CA12: variants seen among roughly 807,000 people sequenced by gnomAD.
CA12 encodes carbonic anhydrase 12.
A neutral mutation model predicts 46.8 loss-of-function variants in CA12; 36 were observed. That is an observed-to-expected ratio of 0.77 (90% CI 0.59 to 1.02). The LOEUF is 1.02. CA12 is among the 50% of genes least tolerant of loss of function. The probability of loss-of-function intolerance (pLI) is 0.00; values close to 1 mark genes in which losing one functional copy is unlikely to be tolerated. For missense variants in CA12, 436 were observed against 451.4 expected (o/e 0.97, Z 0.31); for synonymous variants, 202 against 187.0 (o/e 1.08, Z -0.65).
chr15:63,367,654 G>A (rs1040914005), intron 2 of CA12, among the ~76,000 whole-genome samples: 2 of 152,160 alleles, frequency 1.3e-5, no homozygotes, highest in South Asian at 2.1e-4. Flanking sequence ...ACCTAGTCAC[G>A]AGTTAATAAT....
At chr15:63,334,173 G>C (rs1235757853) in intron 8 of CA12, among the ~76,000 whole-genome samples, 1 of 148,460 alleles carries the variant, frequency 6.7e-6, no homozygotes, top group African/African-American at 2.5e-5. Flanking sequence ...CCTCCCAGGG[G>C]CCCACCTTGA....
chr15:63,376,586 C>CTTTT (rs1389140075), intron 1 of CA12, among the ~76,000 whole-genome samples: 1 of 120,354 alleles, frequency 8.3e-6, no homozygotes, highest in Admixed American at 1.0e-4. Flanking sequence ...TTCTTTCTTT[C>CTTTT]TTTCTTTCTT....
At position 63,373,566 on chromosome 15, in the gene CA12, T is replaced by C. The variant is rs7162561; in HGVS notation, c.106+2092A>G. Among the ~76,000 whole-genome samples, 40,567 of 152,000 alleles carry C rather than the reference T, an allele frequency of 0.27. 6,277 individuals carry two copies. Among genetic ancestry groups the C allele is most frequent in the East Asian group, 0.56 (2,898 of 5,170 alleles). On this transcript the variant is annotated intron_variant, in intron 2 of 10. Transcript: ENST00000178638. The surrounding 1 kb of genome is among the most constrained non-coding windows in gnomAD (Gnocchi z 4.9). Reference sequence around the variant, plus strand: ...CTGGATAGACAGGTCTTGGGAACCATGGGTCAGTGATTCTCTGATAGAGTG... The same window carrying C: ...CTGGATAGACAGGTCTTGGGAACCACGGGTCAGTGATTCTCTGATAGAGTG...
chr15:63,375,879 G>A (rs1368249893), intron 1 of CA12, among the ~76,000 whole-genome samples: 1 of 150,734 alleles, frequency 6.6e-6, no homozygotes, highest in African/African-American at 2.4e-5. Flanking sequence ...GCGCGATCTC[G>A]GCTCACTGCA....
intron 2 of CA12, 129 bp downstream of exon 2, chr15:63,375,529 A>G (rs2039558974): frequency 3.0e-6 from 2 of 669,912 alleles, no homozygotes; most frequent in Non-Finnish European, 2.7e-6. Flanking sequence ...CTCTCTTTCT[A>G]CAATACAAGA....
intron 2 of CA12, among the ~76,000 whole-genome samples, chr15:63,354,061 C>T (rs1202410896): frequency 2.6e-5 from 4 of 152,090 alleles, no homozygotes; most frequent in Non-Finnish European, 4.4e-5. Flanking sequence ...GCTGGGTAGG[C>T]GGAGAGGCAC....
rs563502044 is a variant in CA12, at chr15:63,348,831, T to A, written c.107-2122A>T. On this transcript the variant is annotated intron_variant, in intron 2 of 10. Transcript: ENST00000178638. This position sits in a 1 kb window ranked among gnomAD's most constrained non-coding sequence, Gnocchi z 4.6. ...TTATAAGTAGGGTCACGTGCCCCCA[T>A]GGGCATTTAGGAAACATTTTCCCAA... 4.0e-4 allele frequency among the ~76,000 whole-genome samples: 61 copies of A among 152,268 alleles called. No individual in the cohort carries two copies. Among genetic ancestry groups the A allele is most frequent in the Non-Finnish European group, 7.1e-4 (48 of 68,022 alleles).
At chr15:63,332,906 C>G (rs2038954120) in intron 8 of CA12, among the ~76,000 whole-genome samples, 2 of 152,210 alleles carry the variant, frequency 1.3e-5, no homozygotes, top group Admixed American at 6.5e-5. Context: ...TCAGTCATCC[C>G]TGGCCTTAAG....
intron 2 of CA12, among the ~76,000 whole-genome samples, chr15:63,351,708 AAAGCTACCCC>A (rs1369561247): frequency 6.6e-6 from 1 of 152,196 alleles, no homozygotes; most frequent in Non-Finnish European, 1.5e-5. Flanking sequence ...AGGTCCTGCC[AAAGCTACCCC>A]AGTGCTTTCT....
In CA12 at chr15:63,331,447, G is replaced by A. The variant is rs1440083249; in HGVS notation, c.875-3317C>T. On this transcript the variant is annotated intron_variant, in intron 8 of 10. Transcript: ENST00000178638. The surrounding 1 kb of genome is among the most constrained non-coding windows in gnomAD (Gnocchi z 5.3). Reference sequence around the variant, plus strand: ...AGGAAAGAAGGGAGGCGATTCCCACGGAAGAACAATGGGACAGACAGTAGA... The same window carrying A: ...AGGAAAGAAGGGAGGCGATTCCCACAGAAGAACAATGGGACAGACAGTAGA... Among the ~76,000 whole-genome samples the A allele has an allele frequency of 3.3e-5, 5 of 152,194 alleles. No homozygotes were observed. The highest frequency in any genetic ancestry group is 7.2e-5 in the African/African-American group (3 of 41,450).
intron 8 of CA12, among the ~76,000 whole-genome samples, chr15:63,336,897 A>T (rs938512656): frequency 1.3e-5 from 2 of 152,192 alleles, no homozygotes; most frequent in East Asian, 1.9e-4. Flanking sequence ...GCAAAATTCT[A>T]TCTGATCTAT....
Position 63,372,484 on chromosome 15 carries a change from C to A in CA12, c.106+3174G>T, listed in dbSNP as rs960870093. ...TAGGGGTAGAACTCCCTTTTTTGTA[C>A]TTCTAAAAGTCCTACCATGTGTGCC... is the stretch of plus-strand genomic sequence containing the variant. On this transcript the variant is annotated intron_variant, in intron 2 of 10. Transcript: ENST00000178638. This position sits in a 1 kb window ranked among gnomAD's most constrained non-coding sequence, Gnocchi z 4.5. Among the ~76,000 whole-genome samples the A allele has an allele frequency of 2.0e-5, 3 of 152,152 alleles. No individual in the cohort carries two copies. The highest frequency in any genetic ancestry group is 7.2e-5 in the African/African-American group (3 of 41,424).
chr15:63,346,956 A>T (rs1295135726), intron 2 of CA12, among the ~76,000 whole-genome samples: 1 of 152,046 alleles, frequency 6.6e-6, no homozygotes, highest in Non-Finnish European at 1.5e-5. Context: ...AGGCCACCGA[A>T]CTCTGCTTTA....
rs753037111 is a variant in CA12 at position 63,381,711 on chromosome 15, G to A, written c.10C>T (p.Arg4Cys). MPR[R>C]SLHAAAVLLL... ...AGCACGGCCGCCGCGTGCAGGCTGC[G>A]CCGGGGCATCTTCGCGGGCTCCTGC... The change falls in exon 1 of 11, where the codon CGC (arginine) becomes TGC (cysteine). Residue 4 changes from arginine (R) to cysteine (C), a missense_variant. Physicochemically the swap from Arg to Cys is radical, Grantham distance 180. Coordinates refer to ENST00000178638, the MANE Select transcript of CA12 (RefSeq NM_001218.5). 6.9e-6 allele frequency: 11 copies of A among 1,603,578 alleles called. No individual in the cohort carries two copies. The South Asian group carries it at 1.2e-4, about 18-fold the overall frequency.
In CA12 at chr15:63,374,574, T is replaced by G. The variant is rs1181728729; in HGVS notation, c.106+1084A>C. Among the ~76,000 whole-genome samples, 4 of 152,250 alleles carry G rather than the reference T, an allele frequency of 2.6e-5. No individual in the cohort carries two copies. The highest frequency in any genetic ancestry group is 9.6e-5 in the African/African-American group (4 of 41,472). ...GTGCACATAATCAGTACATAAGGGA[T>G]GTTAGCAATAACGGAGCCGTGCAGT... On this transcript the variant is annotated intron_variant, in intron 2 of 10. Transcript: ENST00000178638. The surrounding 1 kb of genome is among the most constrained non-coding windows in gnomAD (Gnocchi z 4.4).
chr15:63,327,120 A>C lies in CA12; in HGVS notation c.992+29T>G, dbSNP rs2038877192. On this transcript the variant is annotated intron_variant, in intron 10 of 10. Coordinates refer to ENST00000178638, the MANE Select transcript of CA12 (RefSeq NM_001218.5). This position sits in a 1 kb window ranked among gnomAD's most constrained non-coding sequence, Gnocchi z 4.5. ...AATCATCATGGACACATAGCTGTCCATTCCCATTTTGGACCCAAACCAGCT... is the reference window on the plus strand; with the variant it reads ...AATCATCATGGACACATAGCTGTCCCTTCCCATTTTGGACCCAAACCAGCT... 2 of 1,590,022 alleles carry C rather than the reference A, an allele frequency of 1.3e-6. No individual in the cohort carries two copies. The highest frequency in any genetic ancestry group is 1.3e-5 in the African/African-American group (1 of 74,570).
chr15:63,367,124 T>C (rs2039445687), intron 2 of CA12, among the ~76,000 whole-genome samples: 1 of 152,162 alleles, frequency 6.6e-6, no homozygotes, highest in Non-Finnish European at 1.5e-5. Flanking sequence ...TTTCACCATG[T>C]TGGCCAGGCT....
rs540691178 is a variant in CA12 at position 63,346,494 on chromosome 15, GACAT to G, written c.286+32_286+35del. On this transcript the variant is annotated intron_variant, in intron 3 of 10. Coordinates refer to ENST00000178638, the MANE Select transcript of CA12 (RefSeq NM_001218.5). ...AGGCCTGGCAGCTGAGGGAGACTCA[GACAT>G]ACCCCTCAGGTCTCCAAGGCCTCTC... The G allele has an allele frequency of 1.9e-3, 2,941 of 1,542,404 alleles. 47 individuals are homozygous for G. The South Asian group carries it at 0.022, about 12-fold the overall frequency.
At position 63,381,726 on chromosome 15, in the gene CA12, CG is replaced by C; in HGVS notation, c.-7del. On this transcript the variant is annotated 5_prime_UTR_variant, in exon 1 of 11. Transcript: ENST00000178638. ...TGCAGGCTGCGCCGGGGCATCTTCG[CG>C]GGCTCCTGCGGGGCGGGCGCGGGCT... is the stretch of plus-strand genomic sequence containing the variant. 1 of 1,577,158 alleles carries C rather than the reference CG, an allele frequency of 6.3e-7. No homozygotes were observed. Among genetic ancestry groups the C allele is most frequent in the Non-Finnish European group, 8.6e-7 (1 of 1,161,782 alleles).
Sources: allele counts gnomAD v4.1 joint callset (sites outside exome capture counted in the v4.1 genomes callset), GRCh38; gene constraint gnomAD v4.1.1; non-coding constraint Gnocchi (gnomAD v3.1); transcripts MANE v1.5; gene names NCBI Gene and HGNC (gene_info 2026-07-23, HGNC 2026-07-21).